Variants in KCTD20 observed in about 807,000 individuals in gnomAD.
KCTD20 encodes the protein potassium channel tetramerization domain containing 20.
A neutral mutation model predicts 39.6 loss-of-function variants in KCTD20; 30 were observed. That is an observed-to-expected ratio of 0.76 (90% CI 0.57 to 1.03). The LOEUF is 1.03. KCTD20 is among the 50% of genes least tolerant of loss of function. KCTD20 has a pLI of 0.00. For missense variants in KCTD20, 422 were observed against 522.0 expected, an observed-to-expected ratio of 0.81 and a Z score of 1.87; for synonymous variants, 162 against 180.6, an observed-to-expected ratio of 0.90 and a Z score of 0.83.
chr6:36,485,804 CTTTG>C (rs977477272), intron 7 of KCTD20, among the ~76,000 whole-genome samples: 2 of 151,968 alleles, frequency 1.3e-5, no homozygotes, highest in African/African-American at 4.8e-5. Flanking sequence ...CTATGTGGAT[CTTTG>C]TTTGACTCTT....
rs879443435 is a variant in KCTD20 at position 36,489,322 on chromosome 6, T to C, written c.*2147T>C. The C allele has an allele frequency of 1.3e-5, 2 of 152,278 alleles. No individual in the cohort carries two copies. The highest frequency in any genetic ancestry group is 2.9e-5 in the Non-Finnish European group (2 of 68,042). 9.4% of individuals were successfully genotyped at this position (152,278 alleles called of 1,614,324 possible). A position where few individuals can be genotyped will look rare whatever the true frequency, so the allele number is the denominator to read the frequency against. ...GCCAGGTATGAAGTATGGCATATAC[T>C]TGACACTGTCCTGTGTAACCCTTTA... On this transcript the variant is annotated 3_prime_UTR_variant, in exon 8 of 8. Coordinates refer to ENST00000373731, the MANE Select transcript of KCTD20 (RefSeq NM_173562.5).
rs948865467 is a variant in KCTD20, at chr6:36,487,487, C to T, written c.*312C>T. On this transcript the variant is annotated 3_prime_UTR_variant, in exon 8 of 8. Transcript: ENST00000373731. ...AAGGAAGTCAAGACTCCTGTTGCCT[C>T]GTGCTTAGCAAAGCAGTCCTTATCC... is the stretch of plus-strand genomic sequence containing the variant. 6 of 336,622 alleles carry T rather than the reference C, an allele frequency of 1.8e-5. No individual in the cohort carries two copies. Among genetic ancestry groups the T allele is most frequent in the Non-Finnish European group, 3.3e-5 (6 of 183,162 alleles). 20.9% of individuals were successfully genotyped at this position (336,622 alleles called of 1,614,324 possible). A position where few individuals can be genotyped will look rare whatever the true frequency, so the allele number is the denominator to read the frequency against.
At chr6:36,450,419 C>T (rs1437622150) in intron 1 of KCTD20, among the ~76,000 whole-genome samples, 6 of 149,956 alleles carry the variant, frequency 4.0e-5, no homozygotes, top group Admixed American at 6.7e-5. Flanking sequence ...ACCTGGGAGG[C>T]AGAGGTTGCA....
chr6:36,446,152 G>C (rs536302669), intron 1 of KCTD20, among the ~76,000 whole-genome samples: 4 of 150,364 alleles, frequency 2.7e-5, no homozygotes, highest in Non-Finnish European at 4.4e-5. Context: ...TCAGCCTCCC[G>C]AGTAGCTGGG....
At chr6:36,474,072 T>TTTTTG (rs1025676408) in intron 2 of KCTD20, among the ~76,000 whole-genome samples, 2 of 149,884 alleles carry the variant, frequency 1.3e-5, no homozygotes, top group South Asian at 2.1e-4. Context: ...TTTTGTTTTG[T>TTTTTG]TTTTGTTTTG....
At chr6:36,479,251 C>T in intron 4 of KCTD20, 28 bp downstream of exon 4, 2 of 1,503,964 alleles carry the variant, frequency 1.3e-6, no homozygotes, top group Non-Finnish European at 1.8e-6. Flanking sequence ...TTGTTACATT[C>T]TCTTCCTCAG....
At chr6:36,471,230 C>T (rs1294520860) in intron 2 of KCTD20, among the ~76,000 whole-genome samples, 1 of 151,718 alleles carries the variant, frequency 6.6e-6, no homozygotes, top group African/African-American at 2.4e-5. Flanking sequence ...TCCCGATAAA[C>T]TGAAATTCTT....
intron 1 of KCTD20, among the ~76,000 whole-genome samples, chr6:36,463,410 A>G (rs886804522): frequency 6.6e-6 from 1 of 152,214 alleles, no homozygotes; most frequent in Non-Finnish European, 1.5e-5. Context: ...ATGGTATTCT[A>G]TCTTTTGTAT....
Position 36,469,918 on chromosome 6 carries a change from A to G in KCTD20, c.-46-134A>G, listed in dbSNP as rs1267834814. On this transcript the variant is annotated intron_variant, in intron 1 of 7. Coordinates refer to ENST00000373731, the MANE Select transcript of KCTD20 (RefSeq NM_173562.5). The surrounding 1 kb of genome is among the most constrained non-coding windows in gnomAD (Gnocchi z 4.6). Reference sequence around the variant, plus strand: ...GATTCCTATCGATATAAAAATCACAAAAATGTTTAAGATGCCTATTTCTCC... The same window carrying G: ...GATTCCTATCGATATAAAAATCACAGAAATGTTTAAGATGCCTATTTCTCC... The G allele has an allele frequency of 6.7e-6, 3 of 450,706 alleles. No homozygotes were observed. Among genetic ancestry groups the G allele is most frequent in the Non-Finnish European group, 1.2e-5 (3 of 257,742 alleles). The allele number at this position is 450,706 out of a possible 1,614,324, so 27.9% of individuals were successfully genotyped here.
intron 5 of KCTD20, among the ~76,000 whole-genome samples, chr6:36,481,111 G>A (rs1776232644): frequency 6.6e-6 from 1 of 152,178 alleles, no homozygotes; most frequent in Admixed American, 6.5e-5. Context: ...GAAAGCCCCT[G>A]TACATGTGAT....
chr6:36,477,939 A>G (rs1776117520), intron 3 of KCTD20, among the ~76,000 whole-genome samples: 1 of 151,058 alleles, frequency 6.6e-6, no homozygotes, highest in African/African-American at 2.4e-5. Context: ...TAAAAATACA[A>G]AAAAAATTAG....
Position 36,488,300 on chromosome 6 carries a change from AAAGG to A in KCTD20, c.*1130_*1133del, listed in dbSNP as rs1270096530. On this transcript the variant is annotated 3_prime_UTR_variant, in exon 8 of 8. Transcript: ENST00000373731. ...GGAATATTATACCAATGTCATCCCCAAAGGAAGGGTGAGCTGAATGGAAATTAAG... is the reference window on the plus strand; with the variant it reads ...GGAATATTATACCAATGTCATCCCCAAAGGGTGAGCTGAATGGAAATTAAG... 6.6e-6 allele frequency: 1 copy of A among 152,208 alleles called. No individual in the cohort carries two copies. Among genetic ancestry groups the A allele is most frequent in the African/African-American group, 2.4e-5 (1 of 41,462 alleles). 9.4% of individuals were successfully genotyped at this position (152,208 alleles called of 1,614,324 possible).
chr6:36,472,761 T>G (rs1775949185), intron 2 of KCTD20, among the ~76,000 whole-genome samples: 2 of 152,110 alleles, frequency 1.3e-5, no homozygotes, highest in South Asian at 4.1e-4. Flanking sequence ...GCGGATCACT[T>G]GAGGAGACTG....
chr6:36,456,515 A>T (rs1775438766), intron 1 of KCTD20, among the ~76,000 whole-genome samples: 1 of 148,550 alleles, frequency 6.7e-6, no homozygotes, highest in East Asian at 2.0e-4. Flanking sequence ...CTGACCTTAG[A>T]TGATCCGCCC....
Position 36,486,923 on chromosome 6 carries a change from C to T in KCTD20, c.1008C>T (p.Gly336=), listed in dbSNP as rs371919479. 67 of 1,613,692 alleles carry T rather than the reference C, an allele frequency of 4.2e-5. No homozygotes were observed. The African/African-American group carries it at 5.7e-4, about 14-fold the overall frequency. Reference sequence around the variant, plus strand: ...AAGAAAAAATTAAGAGAAGGCCTGGCGGCCGGTCTGAAGTCATCTATAATT... The same window carrying T: ...AAGAAAAAATTAAGAGAAGGCCTGGTGGCCGGTCTGAAGTCATCTATAATT... ...TCKEKIKRRP[G]GRSEVIYNYV... is the part of the protein sequence containing the mutation. Residue 336 remains glycine (G), a synonymous_variant, in exon 8 of 8, where the codon GGC becomes GGT. Coordinates refer to ENST00000373731, the MANE Select transcript of KCTD20 (RefSeq NM_173562.5).
Position 36,487,050 on chromosome 6 carries a change from G to A in KCTD20, c.1135G>A (p.Val379Ile). Residue 379 changes from valine (V) to isoleucine (I), a missense_variant, in exon 8 of 8, where the codon GTA (valine) becomes ATA (isoleucine). Val to Ile is a conservative substitution (Grantham distance 29, BLOSUM62 3). Coordinates refer to ENST00000373731, the MANE Select transcript of KCTD20 (RefSeq NM_173562.5). The stretch of plus-strand genomic sequence containing the variant: ...TCGAAGCAAATCCCTCACGAATCTG[G>A]TAGCTGCTGGAGATGATGTCTTGGA... ...CVRSKSLTNLVAAGDDVLEDQ... is the reference protein window; with the variant it reads ...CVRSKSLTNLIAAGDDVLEDQ... 6.2e-7 allele frequency: 1 copy of A among 1,614,230 alleles called. No homozygotes were observed. Among genetic ancestry groups the A allele is most frequent in the Non-Finnish European group, 8.5e-7 (1 of 1,180,052 alleles).
chr6:36,458,562 A>T (rs961155507), intron 1 of KCTD20, among the ~76,000 whole-genome samples: 3 of 148,980 alleles, frequency 2.0e-5, no homozygotes, highest in African/African-American at 7.4e-5. Context: ...AAAAAAAAAG[A>T]AAAGAAAGAA....
chr6:36,468,469 A>C (rs1002616556), intron 1 of KCTD20, among the ~76,000 whole-genome samples: 1 of 152,332 alleles, frequency 6.6e-6, no homozygotes, highest in African/African-American at 2.4e-5. Flanking sequence ...TTGGTTCTTG[A>C]GCAGCTGGAG....
In KCTD20 at chr6:36,490,810, G is replaced by C. The variant is rs982342160; in HGVS notation, c.*3635G>C. 6.6e-6 allele frequency: 1 copy of C among 152,218 alleles called. No individual in the cohort carries two copies. Among genetic ancestry groups the C allele is most frequent in the Non-Finnish European group, 1.5e-5 (1 of 68,054 alleles). The allele number at this position is 152,218 out of a possible 1,614,324, so 9.4% of individuals were successfully genotyped here. On this transcript the variant is annotated 3_prime_UTR_variant, in exon 8 of 8. Coordinates refer to ENST00000373731, the MANE Select transcript of KCTD20 (RefSeq NM_173562.5). ...TGATGACGCTACTGCACTCCAGCCTGGATGACAGGGCAAGACCCTGTCTCA... is the reference window on the plus strand; with the variant it reads ...TGATGACGCTACTGCACTCCAGCCTCGATGACAGGGCAAGACCCTGTCTCA...
Sources: allele counts gnomAD v4.1 joint callset (sites outside exome capture counted in the v4.1 genomes callset), GRCh38; gene constraint gnomAD v4.1.1; non-coding constraint Gnocchi (gnomAD v3.1); transcripts MANE v1.5; gene names NCBI Gene and HGNC (gene_info 2026-07-23, HGNC 2026-07-21).